LRP1B: variants seen among roughly 807,000 people sequenced by gnomAD.
The protein encoded by LRP1B is low-density lipoprotein receptor-related protein 1B.
Under a neutral mutation model 556.6 loss-of-function variants are expected in LRP1B, and 217 were observed. The observed-to-expected ratio is 0.39, with a 90% CI of 0.35 to 0.44. The LOEUF (loss-of-function observed/expected upper bound fraction) is 0.44, where lower values mean the gene tolerates loss of function less well. Among genes scored for constraint, LRP1B ranks in the 20% least tolerant of loss-of-function variants. The pLI is 1.00. For synonymous variants in LRP1B, 2,047 were observed against 1,865.8 expected, an observed-to-expected ratio of 1.10 and a Z score of -2.50; for missense variants, 5,053 against 5,620.8, an observed-to-expected ratio of 0.90 and a Z score of 3.23.
chr2:140,650,303 TTTTATTTTTA>T (rs1447549028), intron 41 of LRP1B, among the ~76,000 whole-genome samples: 1 of 142,382 alleles, frequency 7.0e-6, no homozygotes, highest in African/African-American at 2.5e-5. Context: ...ATCACTTTAT[TTTTATTTTTA>T]TTTATTTATT....
chr2:140,505,022 T>G (rs1410984853), intron 53 of LRP1B, among the ~76,000 whole-genome samples: 2 of 152,158 alleles, frequency 1.3e-5, no homozygotes, highest in East Asian at 3.9e-4. Context: ...AACACTTTAT[T>G]TCAGCCTTTT....
At chr2:140,334,633 G>T in intron 78 of LRP1B, 74 bp from the exon 79 acceptor site, 1 of 757,314 alleles carries the variant, frequency 1.3e-6, no homozygotes, top group Non-Finnish European at 2.1e-6. Flanking sequence ...GCAAAGCAGT[G>T]GCTCTTCAGA....
At chr2:140,344,149 T>C (rs960781210) in intron 77 of LRP1B, among the ~76,000 whole-genome samples, 1 of 151,780 alleles carries the variant, frequency 6.6e-6, no homozygotes, top group Non-Finnish European at 1.5e-5. Flanking sequence ...TACAAAAATA[T>C]TTGCATGGTA....
At chr2:141,758,545 T>A (rs1366472092) in intron 2 of LRP1B, among the ~76,000 whole-genome samples, 1 of 151,988 alleles carries the variant, frequency 6.6e-6, no homozygotes, top group Non-Finnish European at 1.5e-5. Flanking sequence ...CATAGGAAAT[T>A]AATAGGTAAT....
intron 3 of LRP1B, among the ~76,000 whole-genome samples, chr2:141,324,186 A>T (rs1687356558): frequency 6.6e-6 from 1 of 151,856 alleles, no homozygotes; most frequent in Admixed American, 6.6e-5. Flanking sequence ...GAAACCACAC[A>T]CACACATACA....
chr2:140,270,367 AG>A, intron 85 of LRP1B, 21 bp from the exon 86 acceptor site: 1 of 1,484,130 alleles, frequency 6.7e-7, no homozygotes, highest in Non-Finnish European at 9.4e-7. Flanking sequence ...AAAGAAAAAA[AG>A]AACAATTTCA....
chr2:141,141,798 A>T (rs1010822420), intron 7 of LRP1B, among the ~76,000 whole-genome samples: 2 of 152,182 alleles, frequency 1.3e-5, no homozygotes, highest in African/African-American at 2.4e-5. Context: ...TTGCTGCTTT[A>T]GTCTTCCAAT....
chr2:140,523,479 A>G (rs1690272935), intron 49 of LRP1B, among the ~76,000 whole-genome samples: 1 of 151,956 alleles, frequency 6.6e-6, no homozygotes, highest in African/African-American at 2.4e-5. Flanking sequence ...CTGGAACAAA[A>G]CAAGGATGCT....
Position 140,450,615 on chromosome 2 carries a change from T to A in LRP1B, c.10010A>T (p.Asp3337Val), listed in dbSNP as rs2105313907. ...DKCIPFWWKCDTVDDCGDGSD... is the reference protein window; with the variant it reads ...DKCIPFWWKCVTVDDCGDGSD... ...TCCATCACCACAGTCATCCACGGTGTCACATTTCCACCAGAATGGAATACA... is the reference window on the plus strand; with the variant it reads ...TCCATCACCACAGTCATCCACGGTGACACATTTCCACCAGAATGGAATACA... Residue 3337 changes from aspartate (D) to valine (V), a missense_variant, in exon 63 of 91, where the codon GAC becomes GTC. This residue lies in a region of LRP1B where 262 missense variants were observed against 395.1 expected (regional missense o/e 0.66). Coordinates refer to ENST00000389484, the MANE Select transcript of LRP1B (RefSeq NM_018557.3). The A allele has an allele frequency of 6.2e-7, 1 of 1,613,080 alleles. No homozygotes were observed. Among genetic ancestry groups the A allele is most frequent in the Non-Finnish European group, 8.5e-7 (1 of 1,179,594 alleles).
At position 140,554,884 on chromosome 2, in the gene LRP1B, G is replaced by GTATA. The variant is rs373738233; in HGVS notation, c.7195-12917_7195-12914dup. The stretch of plus-strand genomic sequence containing the variant: ...TGTGTGTGTGTGTGTGTGTGTGTGT[G>GTATA]TATATGTATATGAACTACTAGCTAG... On this transcript the variant is annotated intron_variant, in intron 43 of 90. Transcript: ENST00000389484. 3.5e-3 allele frequency among the ~76,000 whole-genome samples: 519 copies of GTATA among 148,602 alleles called. 3 individuals carry two copies. The highest frequency in any genetic ancestry group is 9.8e-3 in the African/African-American group (399 of 40,640).
chr2:140,459,908 G>A (rs116493111), intron 60 of LRP1B, among the ~76,000 whole-genome samples: 6,669 of 152,224 alleles, frequency 0.044, 186 homozygotes, highest in Middle Eastern at 0.088. Flanking sequence ...AGACATGTTT[G>A]CTTCCTTTTT....
intron 35 of LRP1B, among the ~76,000 whole-genome samples, chr2:140,721,536 CTTTTTTTTTT>C (rs10616730): frequency 1.4e-4 from 10 of 69,610 alleles, no homozygotes; most frequent in African/African-American, 4.7e-4. Context: ...CAAAGATGCA[CTTTTTTTTTT>C]TTTTTTTTTT....
chr2:140,307,244 C>T (rs1303272842), intron 83 of LRP1B, among the ~76,000 whole-genome samples: 1 of 151,916 alleles, frequency 6.6e-6, no homozygotes, highest in Non-Finnish European at 1.5e-5. Flanking sequence ...CCCTACATCA[C>T]ATTCTGTAAA....
rs141005198 is a variant in LRP1B at position 141,721,258 on chromosome 2, T to C, written c.205+89021A>G. ...GTTTTTATTCAAAAGTGTGCTTGAC[T>C]GGTTTTTGAAATATCCTTAAAAAAT... On this transcript the variant is annotated intron_variant, in intron 2 of 90. Coordinates refer to ENST00000389484, the MANE Select transcript of LRP1B (RefSeq NM_018557.3). Among the ~76,000 whole-genome samples the C allele has an allele frequency of 4.3e-3, 650 of 152,358 alleles. 4 individuals carry two copies. Among genetic ancestry groups the C allele is most frequent in the African/African-American group, 0.014 (592 of 41,590 alleles).
chr2:140,780,755 C>T (rs1197248664), intron 32 of LRP1B, among the ~76,000 whole-genome samples: 1 of 152,078 alleles, frequency 6.6e-6, no homozygotes, highest in African/African-American at 2.4e-5. Flanking sequence ...GAACACATCT[C>T]TATGGCAGGA....
chr2:142,053,564 C>CA (rs1704549159), intron 1 of LRP1B, among the ~76,000 whole-genome samples: 2 of 151,992 alleles, frequency 1.3e-5, no homozygotes, highest in African/African-American at 2.4e-5. Flanking sequence ...GTAAGCACAA[C>CA]ATTTACTTCA....
At chr2:141,473,256 T>C (rs1682549969) in intron 3 of LRP1B, among the ~76,000 whole-genome samples, 1 of 152,236 alleles carries the variant, frequency 6.6e-6, no homozygotes, top group Non-Finnish European at 1.5e-5. Context: ...CAAATATGCA[T>C]GTGTATATAC....
chr2:140,835,558 A>C (rs1489253066), intron 31 of LRP1B, among the ~76,000 whole-genome samples: 1 of 151,832 alleles, frequency 6.6e-6, no homozygotes, highest in East Asian at 1.9e-4. Context: ...TTATTTTGAG[A>C]TGAAGTTTCG....
chr2:141,760,839 A>G (rs962513765), intron 2 of LRP1B, among the ~76,000 whole-genome samples: 1 of 152,226 alleles, frequency 6.6e-6, no homozygotes, highest in Non-Finnish European at 1.5e-5. Context: ...TGGTGCTTTC[A>G]TGGCCTTTAC....
Sources: allele counts gnomAD v4.1 joint callset (sites outside exome capture counted in the v4.1 genomes callset), GRCh38; gene constraint gnomAD v4.1.1; regional missense constraint gnomAD v4.1.1; transcripts MANE v1.5; gene names NCBI Gene and HGNC (gene_info 2026-07-23, HGNC 2026-07-21).